The following TSHZ1 variants were observed in gnomAD, a reference collection of about 807,000 sequenced individuals.
TSHZ1 encodes the protein teashirt zinc finger homeobox 1.
Under a neutral mutation model 67.1 loss-of-function variants are expected in TSHZ1, and 12 were observed. The observed-to-expected ratio is 0.18, with a 90% CI of 0.11 to 0.29. TSHZ1 has a LOEUF of 0.29. Among genes scored for constraint, TSHZ1 ranks in the 10% least tolerant of loss-of-function variants. The pLI is 1.00. For missense variants in TSHZ1, 1,305 were observed against 1,413.9 expected (o/e 0.92, Z 1.23); for synonymous variants, 632 against 622.4 (o/e 1.02, Z -0.23).
At chr18:75,283,682 C>T (rs894976188) in intron 1 of TSHZ1, 2 of 152,258 alleles carry the variant, frequency 1.3e-5, no homozygotes, top group African/African-American at 4.8e-5. Flanking sequence ...GAAGATTCTC[C>T]ACATGACCGA....
chr18:75,226,116 T>C (rs765138054), intron 1 of TSHZ1, among the ~76,000 whole-genome samples: 1 of 152,166 alleles, frequency 6.6e-6, no homozygotes, highest in Non-Finnish European at 1.5e-5. Context: ...AATATAAACA[T>C]TATATCAAAT....
At chr18:75,233,827 A>T (rs1417786461) in intron 1 of TSHZ1, among the ~76,000 whole-genome samples, 2 of 152,172 alleles carry the variant, frequency 1.3e-5, no homozygotes, top group East Asian at 3.9e-4. Flanking sequence ...TCTAGCGAGC[A>T]TCCGCACGCC....
intron 1 of TSHZ1, among the ~76,000 whole-genome samples, chr18:75,226,193 G>A (rs966660315): frequency 1.3e-5 from 2 of 152,178 alleles, no homozygotes; most frequent in African/African-American, 4.8e-5. Flanking sequence ...GATGGGGGAG[G>A]AAAAAGTATT....
At chr18:75,247,000 G>A (rs1037682827) in intron 1 of TSHZ1, among the ~76,000 whole-genome samples, 4 of 152,172 alleles carry the variant, frequency 2.6e-5, no homozygotes, top group African/African-American at 7.2e-5. Context: ...TTCCAAGTTT[G>A]AGCCTGCAGT....
At chr18:75,228,752 C>T (rs1402706231) in intron 1 of TSHZ1, among the ~76,000 whole-genome samples, 1 of 152,180 alleles carries the variant, frequency 6.6e-6, no homozygotes, top group Non-Finnish European at 1.5e-5. Flanking sequence ...AAAGTTGAAC[C>T]TCTCAACGGT....
intron 1 of TSHZ1, among the ~76,000 whole-genome samples, chr18:75,233,872 G>C (rs7232279): frequency 1.1e-3 from 173 of 152,268 alleles, no homozygotes; most frequent in African/African-American, 4.0e-3. Flanking sequence ...GGTTCACTGG[G>C]TGGGAAGACT....
In TSHZ1 at chr18:75,286,130, G is replaced by A. The variant is rs777460466; in HGVS notation, c.723G>A (p.Thr241=). ...QNNKLYGSVF[T]GASKFRCKDC... ...ACAAGCTCTACGGCTCCGTCTTCAC[G>A]GGCGCCAGCAAGTTCCGGTGCAAAG... Residue 241 remains threonine, a synonymous_variant, in exon 2 of 2, where the codon ACG becomes ACA. Transcript: ENST00000580243. The surrounding 1 kb of genome is among the most constrained non-coding windows in gnomAD (Gnocchi z 5.1). The A allele has an allele frequency of 4.6e-5, 74 of 1,612,972 alleles. No individual in the cohort carries two copies. Among genetic ancestry groups the A allele is most frequent in the South Asian group, 8.8e-5 (8 of 91,074 alleles).
At position 75,257,392 on chromosome 18, in the gene TSHZ1, A is replaced by G. The variant is rs572831253; in HGVS notation, c.41-28056A>G. On this transcript the variant is annotated intron_variant, in intron 1 of 1. Transcript: ENST00000580243. ...AAAACAAAAAACAAAAAACCCACAC[A>G]TAATTCTGCCCATGTTTCAGAATCT... Among the ~76,000 whole-genome samples the G allele has an allele frequency of 2.6e-5, 4 of 152,354 alleles. No homozygotes were observed. In the East Asian group the frequency reaches 7.7e-4, roughly 29 times the overall value.
intron 1 of TSHZ1, among the ~76,000 whole-genome samples, chr18:75,255,668 G>A (rs1439421226): frequency 2.0e-5 from 3 of 152,162 alleles, no homozygotes; most frequent in Admixed American, 1.3e-4. Context: ...AAAAATTGAA[G>A]TCCGGGTTTG....
At chr18:75,276,062 A>G (rs1445185559) in intron 1 of TSHZ1, among the ~76,000 whole-genome samples, 3 of 152,208 alleles carry the variant, frequency 2.0e-5, no homozygotes, top group Non-Finnish European at 4.4e-5. Context: ...GACAAACTCT[A>G]GACAAAAGAT....
chr18:75,243,332 T>C (rs1404880595), intron 1 of TSHZ1, among the ~76,000 whole-genome samples: 1 of 152,198 alleles, frequency 6.6e-6, no homozygotes, highest in African/African-American at 2.4e-5. Flanking sequence ...CTACTGGACA[T>C]TTTGAGAAAT....
chr18:75,235,500 C>T (rs886220393), intron 1 of TSHZ1, among the ~76,000 whole-genome samples: 7 of 152,164 alleles, frequency 4.6e-5, no homozygotes, highest in Non-Finnish European at 7.3e-5. Flanking sequence ...GCTCATTTCT[C>T]CAACTGCTGG....
At chr18:75,212,901 C>T (rs2022717690) in intron 1 of TSHZ1, among the ~76,000 whole-genome samples, 1 of 152,116 alleles carries the variant, frequency 6.6e-6, no homozygotes, top group African/African-American at 2.4e-5. Context: ...TTGGACATTG[C>T]GTTTGTGGGG....
In TSHZ1 at chr18:75,287,016, C is replaced by T. The variant is rs530388914; in HGVS notation, c.1609C>T (p.Arg537Cys). The T allele has an allele frequency of 2.0e-5, 33 of 1,613,948 alleles. No homozygotes were observed. Among genetic ancestry groups the T allele is most frequent in the South Asian group, 6.6e-5 (6 of 91,084 alleles). Residue 537 changes from arginine to cysteine, a missense_variant, in exon 2 of 2, where the codon CGT (arginine) becomes TGT (cysteine). By Grantham distance (180) the Arg-to-Cys change is radical. This residue lies in a region of TSHZ1 where 909 missense variants were observed against 961.8 expected (regional missense o/e 0.95). Transcript: ENST00000580243. The surrounding 1 kb of genome is among the most constrained non-coding windows in gnomAD (Gnocchi z 5.0). ...GCCCAGCACCCTGTACCCGTACCTG[C>T]GTGAGGAGGACCTGGACGACAGCCC... ...FEPSTLYPYL[R>C]EEDLDDSPKG...
chr18:75,248,380 T>C (rs2023249847), intron 1 of TSHZ1, among the ~76,000 whole-genome samples: 1 of 152,262 alleles, frequency 6.6e-6, no homozygotes, highest in African/African-American at 2.4e-5. Flanking sequence ...CTCAGGTTCA[T>C]CTGGAAAGTC....
chr18:75,236,031 T>C (rs28600344), intron 1 of TSHZ1, among the ~76,000 whole-genome samples: 4 of 152,108 alleles, frequency 2.6e-5, no homozygotes, highest in Non-Finnish European at 5.9e-5. Context: ...GCGTGCGTGA[T>C]AGGAAGCTTG....
chr18:75,280,416 A>C (rs960141771), intron 1 of TSHZ1, among the ~76,000 whole-genome samples: 2 of 152,348 alleles, frequency 1.3e-5, no homozygotes, highest in East Asian at 3.9e-4. Context: ...CTGGCACATA[A>C]TGGCTGTTCT....
intron 1 of TSHZ1, among the ~76,000 whole-genome samples, chr18:75,222,641 C>T (rs999389328): frequency 1.3e-5 from 2 of 152,132 alleles, no homozygotes; most frequent in South Asian, 2.1e-4. Flanking sequence ...TCCTCTCTGG[C>T]TTATTCTAAA....
chr18:75,226,289 C>G (rs1292935145), intron 1 of TSHZ1, among the ~76,000 whole-genome samples: 1 of 152,188 alleles, frequency 6.6e-6, no homozygotes. Flanking sequence ...TTGCTCCCCA[C>G]TCACCCAACT....
Sources: gnomAD v4.1 joint callset for allele counts (sites outside exome capture counted in the v4.1 genomes callset) on GRCh38, gnomAD v4.1.1 for gene constraint, gnomAD v4.1.1 regional missense constraint, Gnocchi (gnomAD v3.1) non-coding constraint, MANE v1.5 for transcripts, NCBI Gene and HGNC (gene_info 2026-07-23, HGNC 2026-07-21) for gene names.